The following ABTB2 variants were observed in gnomAD, a reference collection of about 807,000 sequenced individuals.
ABTB2 encodes the protein ankyrin repeat and BTB domain containing 2.
A neutral mutation model predicts 104.1 loss-of-function variants in ABTB2; 56 were observed. The observed-to-expected ratio is 0.54, with a 90% confidence interval of 0.43 to 0.67. The LOEUF (loss-of-function observed/expected upper bound fraction) is 0.67. ABTB2 is among the 30% of genes least tolerant of loss of function. ABTB2 has a pLI of 0.00. For missense variants in ABTB2, 1,279 were observed against 1,407.7 expected, an observed-to-expected ratio of 0.91 and a Z score of 1.46; for synonymous variants, 606 against 608.2, an observed-to-expected ratio of 1.00 and a Z score of 0.05.
intron 1 of ABTB2, among the ~76,000 whole-genome samples, chr11:34,232,455 A>AAAAAAAAAC (rs1853782560): frequency 6.6e-6 from 1 of 151,590 alleles, no homozygotes; most frequent in East Asian, 1.9e-4. Flanking sequence ...GTCTCAAAAA[A>AAAAAAAAAC]AAAAAAAAAA....
chr11:34,181,566 C>G (rs1400451374), intron 3 of ABTB2, among the ~76,000 whole-genome samples: 1 of 152,200 alleles, frequency 6.6e-6, no homozygotes, highest in Non-Finnish European at 1.5e-5. Context: ...CCAGGAGGAG[C>G]TGAATACAAA....
rs188441268 is a variant in ABTB2 at position 34,228,472 on chromosome 11, C to T, written c.884-23782G>A. Among the ~76,000 whole-genome samples the T allele has an allele frequency of 2.6e-3, 402 of 152,288 alleles. 3 individuals carry two copies. The highest frequency in any genetic ancestry group is 4.2e-3 in the Non-Finnish European group (284 of 68,036). ...TGATCTTGGCTCACTGCAACCTCTG[C>T]CTCCTGGGTTCAAGTAATTCTCCTG... On this transcript the variant is annotated intron_variant, in intron 1 of 16. Coordinates refer to ENST00000435224, the MANE Select transcript of ABTB2 (RefSeq NM_145804.3).
Position 34,357,729 on chromosome 11 carries a change from G to C in ABTB2, c.-146C>G. ...GCGGGGCTCGGCGGCCGCATTGCCT[G>C]CCCGGAGGCCGCGGGAAGGTGGCCG... On this transcript the variant is annotated 5_prime_UTR_variant, in exon 1 of 17. Coordinates refer to ENST00000435224, the MANE Select transcript of ABTB2 (RefSeq NM_145804.3). The C allele has an allele frequency of 1.1e-6, 1 of 911,612 alleles. No individual in the cohort carries two copies. The highest frequency in any genetic ancestry group is 1.5e-6 in the Non-Finnish European group (1 of 657,548). 56.5% of individuals were successfully genotyped at this position (911,612 alleles called of 1,614,324 possible). A position where few individuals can be genotyped will look rare whatever the true frequency, so the allele number is the denominator to read the frequency against.
chr11:34,312,752 G>A (rs1288453155), intron 1 of ABTB2, among the ~76,000 whole-genome samples: 2 of 152,136 alleles, frequency 1.3e-5, no homozygotes, highest in African/African-American at 4.8e-5. Flanking sequence ...CCAGTTTGGA[G>A]GGCAGGGGTG....
chr11:34,357,302 C>A lies in ABTB2; in HGVS notation c.282G>T (p.Leu94=). Residue 94 remains leucine (L), a synonymous_variant, in exon 1 of 17, where the codon CTG becomes CTT. Transcript: ENST00000435224. ...LFSRCPRLPE[L]EEFPWTEGDV... ...CTCCTTCGGTCCAGGGGAACTCCTC[C>A]AGCTCGGGGAGCCGCGGACAGCGCG... 1 of 1,511,598 alleles carries A rather than the reference C, an allele frequency of 6.6e-7. No homozygotes were observed. The highest frequency in any genetic ancestry group is 1.3e-5 in the South Asian group (1 of 79,206). 93.6% of individuals were successfully genotyped at this position (1,511,598 alleles called of 1,614,324 possible). A position where few individuals can be genotyped will look rare whatever the true frequency, so the allele number is the denominator to read the frequency against.
At chr11:34,248,114 A>ATTTTTTT (rs1363625721) in intron 1 of ABTB2, among the ~76,000 whole-genome samples, 1 of 126,328 alleles carries the variant, frequency 7.9e-6, no homozygotes, top group African/African-American at 3.1e-5. Flanking sequence ...AAAAAAAAAA[A>ATTTTTTT]AAAAAAAACA....
chr11:34,214,532 CTTTTTT>C (rs5790978), intron 1 of ABTB2, among the ~76,000 whole-genome samples: 1 of 123,148 alleles, frequency 8.1e-6, no homozygotes, highest in African/African-American at 2.9e-5. Flanking sequence ...AAAAATACCA[CTTTTTT>C]TTTTTTTTTT....
In ABTB2 at chr11:34,357,305, C is replaced by T; in HGVS notation, c.279G>A (p.Glu93=). ...DLFSRCPRLP[E]LEEFPWTEGD... ...CTTCGGTCCAGGGGAACTCCTCCAG[C>T]TCGGGGAGCCGCGGACAGCGCGAGA... The change falls in exon 1 of 17, where the codon GAG becomes GAA. Residue 93 remains glutamate, a synonymous_variant. Transcript: ENST00000435224. 6.6e-7 allele frequency: 1 copy of T among 1,512,256 alleles called. No individual in the cohort carries two copies. The highest frequency in any genetic ancestry group is 8.9e-7 in the Non-Finnish European group (1 of 1,125,796). The allele number at this position is 1,512,256 out of a possible 1,614,324, so 93.7% of individuals were successfully genotyped here.
At chr11:34,285,556 T>G (rs189799611) in intron 1 of ABTB2, among the ~76,000 whole-genome samples, 10 of 152,226 alleles carry the variant, frequency 6.6e-5, no homozygotes, top group African/African-American at 2.4e-4. Flanking sequence ...ATTCTATACG[T>G]GCAATCTTAG....
intron 3 of ABTB2, among the ~76,000 whole-genome samples, chr11:34,192,419 C>T (rs1415856056): frequency 6.6e-6 from 1 of 152,186 alleles, no homozygotes; most frequent in Non-Finnish European, 1.5e-5. Context: ...CAAATGCACG[C>T]CTTTGAATAG....
chr11:34,229,766 C>A (rs2133056078), intron 1 of ABTB2, among the ~76,000 whole-genome samples: 1 of 152,220 alleles, frequency 6.6e-6, no homozygotes, highest in East Asian at 1.9e-4. Context: ...ATAAAAATCA[C>A]CCATAATCCC....
rs1241582079 is a variant in ABTB2, at chr11:34,154,842, T to A, written c.2698-73A>T. 8 of 1,508,794 alleles carry A rather than the reference T, an allele frequency of 5.3e-6. No homozygotes were observed. In the East Asian group the frequency reaches 1.8e-4, roughly 34 times the overall value. The allele number at this position is 1,508,794 out of a possible 1,614,324, so 93.5% of individuals were successfully genotyped here. On this transcript the variant is annotated intron_variant, in intron 14 of 16. Transcript: ENST00000435224. The surrounding 1 kb of genome is among the most constrained non-coding windows in gnomAD (Gnocchi z 4.9). Reference sequence around the variant, plus strand: ...GAAAGTCCTTGCCAGCCCCACAGGGTACTGCTCCAGCTGCCGCCTCCAGGG... The same window carrying A: ...GAAAGTCCTTGCCAGCCCCACAGGGAACTGCTCCAGCTGCCGCCTCCAGGG...
At chr11:34,350,465 G>A (rs1313293715) in intron 1 of ABTB2, among the ~76,000 whole-genome samples, 1 of 152,198 alleles carries the variant, frequency 6.6e-6, no homozygotes, top group Non-Finnish European at 1.5e-5. Context: ...ACTTATAAAG[G>A]CCCTCCCTGG....
At chr11:34,239,302 G>A (rs1853884769) in intron 1 of ABTB2, among the ~76,000 whole-genome samples, 1 of 152,080 alleles carries the variant, frequency 6.6e-6, no homozygotes, top group African/African-American at 2.4e-5. Flanking sequence ...TCTACCCTGA[G>A]GCTGAGCCAA....
At chr11:34,164,647 G>A in intron 9 of ABTB2, 39 bp downstream of exon 9, 1 of 1,445,542 alleles carries the variant, frequency 6.9e-7, no homozygotes, top group Non-Finnish European at 9.1e-7. Context: ...TTAGTTCAGT[G>A]CCCTCATGTC....
chr11:34,323,906 C>CTTT lies in ABTB2; in HGVS notation c.883+32792_883+32794dup, dbSNP rs56375939. Among the ~76,000 whole-genome samples, 180 of 63,902 alleles carry CTTT rather than the reference C, an allele frequency of 2.8e-3. 2 individuals are homozygous for CTTT. Among genetic ancestry groups the CTTT allele is most frequent in the Non-Finnish European group, 3.3e-3 (126 of 37,678 alleles). 41.9% of individuals were successfully genotyped at this position (63,902 alleles called of 152,430 possible). On this transcript the variant is annotated intron_variant, in intron 1 of 16. Coordinates refer to ENST00000435224, the MANE Select transcript of ABTB2 (RefSeq NM_145804.3). Reference sequence around the variant, plus strand: ...CACTTTACATCAACGTAAATTCCCTCTTTTTTTTTTTTTTTTTTTTTTTTT... The same window carrying CTTT: ...CACTTTACATCAACGTAAATTCCCTCTTTTTTTTTTTTTTTTTTTTTTTTTTTT...
At chr11:34,174,202 G>A (rs1349283239) in intron 3 of ABTB2, among the ~76,000 whole-genome samples, 1 of 152,058 alleles carries the variant, frequency 6.6e-6, no homozygotes, top group Non-Finnish European at 1.5e-5. Flanking sequence ...GCGGGCGCCT[G>A]TAGTCCCAGC....
At chr11:34,157,836 C>T (rs976259836) in intron 14 of ABTB2, among the ~76,000 whole-genome samples, 2 of 152,252 alleles carry the variant, frequency 1.3e-5, no homozygotes, top group African/African-American at 4.8e-5. Context: ...CCTAACTGGT[C>T]CCCTGGAGGT....
intron 3 of ABTB2, among the ~76,000 whole-genome samples, chr11:34,185,975 C>G (rs1853092445): frequency 6.6e-6 from 1 of 152,192 alleles, no homozygotes; most frequent in Non-Finnish European, 1.5e-5. Flanking sequence ...TTATAAACAA[C>G]AACAAAACCC....
Sources: gnomAD v4.1 joint callset for allele counts (sites outside exome capture counted in the v4.1 genomes callset) on GRCh38, gnomAD v4.1.1 for gene constraint, Gnocchi (gnomAD v3.1) non-coding constraint, MANE v1.5 for transcripts, NCBI Gene and HGNC (gene_info 2026-07-23, HGNC 2026-07-21) for gene names.